The following WDPCP variants were observed in gnomAD, a reference collection of about 807,000 sequenced individuals.
The protein encoded by WDPCP is WD repeat containing planar cell polarity effector.
Under a neutral mutation model 93.1 loss-of-function variants are expected in WDPCP, and 71 were observed. That is an observed-to-expected ratio of 0.76 (90% CI 0.63 to 0.93). The LOEUF (loss-of-function observed/expected upper bound fraction) is 0.93. Among genes scored for constraint, WDPCP ranks in the 40% least tolerant of loss-of-function variants. The probability of loss-of-function intolerance (pLI) is 0.00; values close to 1 mark genes in which losing one functional copy is unlikely to be tolerated. For missense variants in WDPCP, 844 were observed against 887.4 expected, an observed-to-expected ratio of 0.95 and a Z score of 0.62; for synonymous variants, 315 against 315.0, an observed-to-expected ratio of 1.00 and a Z score of 0.00.
At chr2:63,356,236 A>C (rs1690013920) in intron 12 of WDPCP, among the ~76,000 whole-genome samples, 1 of 152,222 alleles carries the variant, frequency 6.6e-6, no homozygotes, top group Non-Finnish European at 1.5e-5. Context: ...AACTATCCTC[A>C]ATATATATGA....
At chr2:63,696,087 G>T (rs533545198) in intron 2 of WDPCP, among the ~76,000 whole-genome samples, 1 of 152,240 alleles carries the variant, frequency 6.6e-6, no homozygotes, top group East Asian at 1.9e-4. Flanking sequence ...GGTAGCAGGT[G>T]GGTAGAACCT....
At chr2:63,808,485 G>A (rs889495879) in intron 2 of WDPCP, among the ~76,000 whole-genome samples, 3 of 152,192 alleles carry the variant, frequency 2.0e-5, no homozygotes, top group East Asian at 3.9e-4. Context: ...GCGATTGCGG[G>A]CACGCGCTGC....
intron 13 of WDPCP, among the ~76,000 whole-genome samples, chr2:63,299,915 G>A (rs965094526): frequency 4.6e-5 from 7 of 152,242 alleles, no homozygotes; most frequent in African/African-American, 1.7e-4. Flanking sequence ...CAGGAACTAA[G>A]GACTGGACAT....
chr2:63,543,634 C>T (rs925511591), intron 1 of WDPCP, among the ~76,000 whole-genome samples: 2 of 151,772 alleles, frequency 1.3e-5, no homozygotes, highest in Admixed American at 1.3e-4. Flanking sequence ...ATTGCAGAAG[C>T]TGATTCTTTA....
At chr2:63,609,787 G>A (rs987930048) in intron 3 of WDPCP, among the ~76,000 whole-genome samples, 3 of 151,896 alleles carry the variant, frequency 2.0e-5, no homozygotes, top group Non-Finnish European at 4.4e-5. Context: ...TGGGAGGGTC[G>A]CTTGAACCCG....
intron 2 of WDPCP, among the ~76,000 whole-genome samples, chr2:63,790,412 G>A (rs151318191): frequency 2.0e-3 from 309 of 152,340 alleles, no homozygotes; most frequent in Middle Eastern, 0.01. Flanking sequence ...AAGCAAGGCA[G>A]AAACTCCGTT....
At chr2:63,339,281 C>T (rs983244232) in intron 12 of WDPCP, among the ~76,000 whole-genome samples, 1 of 152,136 alleles carries the variant, frequency 6.6e-6, no homozygotes, top group Admixed American at 6.5e-5. Context: ...TCAAGCAATT[C>T]TTGTGCCTCA....
chr2:63,271,704 C>T (rs1224099420), intron 13 of WDPCP, among the ~76,000 whole-genome samples: 1 of 152,162 alleles, frequency 6.6e-6, no homozygotes, highest in Non-Finnish European at 1.5e-5. Flanking sequence ...CTTCCACTGC[C>T]CAAGCACACC....
intron 1 of WDPCP, among the ~76,000 whole-genome samples, chr2:63,516,232 C>A (rs769950120): frequency 2.6e-5 from 4 of 152,040 alleles, no homozygotes; most frequent in Non-Finnish European, 5.9e-5. Context: ...TATTGCAATA[C>A]ATTCATAAAT....
chr2:63,710,094 G>A (rs929905212), intron 2 of WDPCP, among the ~76,000 whole-genome samples: 4 of 152,120 alleles, frequency 2.6e-5, no homozygotes, highest in African/African-American at 9.7e-5. Context: ...TCTACTTTTT[G>A]TCCTTTTCTA....
chr2:63,583,952 G>GA (rs919156719), intron 1 of WDPCP, among the ~76,000 whole-genome samples: 1 of 149,752 alleles, frequency 6.7e-6, no homozygotes, highest in Non-Finnish European at 1.5e-5. Flanking sequence ...AGAAGAATAA[G>GA]AAAAAAAAAG....
intron 12 of WDPCP, among the ~76,000 whole-genome samples, chr2:63,365,817 G>A (rs1358461903): frequency 6.6e-6 from 1 of 152,176 alleles, no homozygotes; most frequent in Non-Finnish European, 1.5e-5. Flanking sequence ...TCATTTAGTA[G>A]CATGTAGCCA....
intron 2 of WDPCP, among the ~76,000 whole-genome samples, chr2:63,694,948 A>G (rs1668942401): frequency 6.6e-6 from 1 of 152,182 alleles, no homozygotes; most frequent in Admixed American, 6.5e-5. Flanking sequence ...TCTAAAAGAG[A>G]GTGAAATAGG....
intron 2 of WDPCP, among the ~76,000 whole-genome samples, chr2:63,715,303 A>C (rs1669322319): frequency 6.6e-6 from 1 of 152,264 alleles, no homozygotes. Context: ...CCCCAATAAA[A>C]TAATTTGCAA....
chr2:63,411,760 C>T (rs532723178), intron 9 of WDPCP, among the ~76,000 whole-genome samples: 2 of 152,162 alleles, frequency 1.3e-5, no homozygotes, highest in South Asian at 4.1e-4. Context: ...CCTTTACACA[C>T]ATAAACTAGA....
intron 1 of WDPCP, among the ~76,000 whole-genome samples, chr2:63,498,788 A>G (rs1432589166): frequency 6.6e-6 from 1 of 152,226 alleles, no homozygotes; most frequent in East Asian, 1.9e-4. Context: ...ATGATAGCAA[A>G]GAAAGAATTA....
intron 1 of WDPCP, among the ~76,000 whole-genome samples, chr2:63,524,731 T>C (rs558564855): frequency 1.3e-5 from 2 of 152,122 alleles, no homozygotes; most frequent in Admixed American, 1.3e-4. Flanking sequence ...AGCAATGCAA[T>C]AAAAGCAAAA....
chr2:63,832,169 G>A (rs1283706161), upstream of WDPCP, among the ~76,000 whole-genome samples: 1 of 152,196 alleles, frequency 6.6e-6, no homozygotes. Flanking sequence ...GCCTAAGATG[G>A]GCTACAACGC....
chr2:63,291,006 A>G (rs1326570616), intron 13 of WDPCP, among the ~76,000 whole-genome samples: 1 of 152,110 alleles, frequency 6.6e-6, no homozygotes, highest in Admixed American at 6.5e-5. Flanking sequence ...CATGTATTTT[A>G]GACTATTTGA....
Sources: allele counts gnomAD v4.1 joint callset (sites outside exome capture counted in the v4.1 genomes callset), GRCh38; gene constraint gnomAD v4.1.1; transcripts MANE v1.5; gene names NCBI Gene and HGNC (gene_info 2026-07-23, HGNC 2026-07-21).